AFDN: variants seen among roughly 807,000 people sequenced by gnomAD.
AFDN encodes the protein afadin.
A neutral mutation model predicts 216.6 loss-of-function variants in AFDN; 68 were observed. The observed-to-expected ratio is 0.31, with a 90% CI of 0.26 to 0.38. AFDN has a LOEUF of 0.38. Ranked by LOEUF, AFDN falls within the 10% of genes least tolerant of loss-of-function variation. The probability of loss-of-function intolerance (pLI) is 1.00; values close to 1 mark genes in which losing one functional copy is unlikely to be tolerated. For synonymous variants in AFDN, 868 were observed against 853.7 expected, an observed-to-expected ratio of 1.02 and a Z score of -0.29; for missense variants, 2,136 against 2,342.0, an observed-to-expected ratio of 0.91 and a Z score of 1.82.
At chr6:167,827,259 G>A in intron 1 of AFDN, 22 bp downstream of exon 1, 5 of 1,048,920 alleles carry the variant, frequency 4.8e-6, no homozygotes, top group Non-Finnish European at 4.7e-6. Flanking sequence ...CGGGCGCGGG[G>A]CCTGCGCGAC....
At chr6:167,871,036 G>T (rs535829240) in intron 3 of AFDN, among the ~76,000 whole-genome samples, 1 of 152,114 alleles carries the variant, frequency 6.6e-6, no homozygotes. Context: ...TCTTACACAA[G>T]AATTCATTAT....
intron 22 of AFDN, 25 bp downstream of exon 22, chr6:167,922,984 A>G (rs2301533): frequency 0.34 from 508,539 of 1,504,632 alleles, 88,947 homozygotes; most frequent in East Asian, 0.61. Context: ...GGTACCATGA[A>G]GTGAAATGGA....
At position 167,874,773 on chromosome 6, in the gene AFDN, G is replaced by A. The variant is rs1003237674; in HGVS notation, c.579-562G>A. On this transcript the variant is annotated intron_variant, in intron 4 of 33. Coordinates refer to ENST00000683244, the MANE Select transcript of AFDN (RefSeq NM_001386888.1). The stretch of plus-strand genomic sequence containing the variant: ...TGGGATTACAGGCATTTGCCACCAC[G>A]CTCGGCTAATTTTGTATTTTTAGTA... Among the ~76,000 whole-genome samples, 14 of 151,920 alleles carry A rather than the reference G, an allele frequency of 9.2e-5. No individual in the cohort carries two copies. In the South Asian group the frequency reaches 1.5e-3, roughly 16 times the overall value.
At chr6:167,920,751 A>T (rs1401002094) in intron 21 of AFDN, among the ~76,000 whole-genome samples, 1 of 152,172 alleles carries the variant, frequency 6.6e-6, no homozygotes, top group Non-Finnish European at 1.5e-5. Context: ...ACTGTATATT[A>T]TTAATATCTG....
intron 23 of AFDN, among the ~76,000 whole-genome samples, chr6:167,929,596 A>G (rs1352243002): frequency 1.3e-5 from 2 of 152,224 alleles, no homozygotes; most frequent in African/African-American, 4.8e-5. Context: ...ACACTCCAAA[A>G]GACAGCCTGA....
chr6:167,827,087 T>C lies in AFDN; in HGVS notation c.-46T>C. The C allele has an allele frequency of 9.3e-7, 1 of 1,074,306 alleles. No homozygotes were observed. The highest frequency in any genetic ancestry group is 1.2e-6 in the Non-Finnish European group (1 of 849,244). The allele number at this position is 1,074,306 out of a possible 1,614,324, so 66.5% of individuals were successfully genotyped here. A position where few individuals can be genotyped will look rare whatever the true frequency, so the allele number is the denominator to read the frequency against. ...CCGCGGACCTGTCGTCCTCGGCCCGTCCTCCGGCCCCGGCCCCGCGCGGCT... is the reference window on the plus strand; with the variant it reads ...CCGCGGACCTGTCGTCCTCGGCCCGCCCTCCGGCCCCGGCCCCGCGCGGCT... On this transcript the variant is annotated 5_prime_UTR_variant, in exon 1 of 34. Transcript: ENST00000683244.
At chr6:167,935,258 C>T (rs1169053942) in intron 23 of AFDN, among the ~76,000 whole-genome samples, 1 of 152,140 alleles carries the variant, frequency 6.6e-6, no homozygotes, top group Non-Finnish European at 1.5e-5. Flanking sequence ...ATCAAACAGG[C>T]AGTGATCTTT....
intron 9 of AFDN, 130 bp from the exon 10 acceptor site, chr6:167,896,748 G>T (rs532435321): frequency 8.9e-6 from 5 of 560,244 alleles, no homozygotes; most frequent in African/African-American, 3.8e-5. Context: ...CATAAGTTTG[G>T]AGAATTTTTT....
rs774439296 is a variant in AFDN at position 167,898,301 on chromosome 6, G to A, written c.1414G>A (p.Val472Met). ...CAGAAGTATGGACGCAGAAACCTAC[G>A]TGGAAGGCCAGCGCATCTCAGAAAC... Reference protein sequence around the residue: ...TPRSMDAETYVEGQRISETTM... With the variant: ...TPRSMDAETYMEGQRISETTM... Residue 472 changes from valine to methionine, a missense_variant, in exon 11 of 34, where the codon GTG (valine) becomes ATG (methionine). Physicochemically the swap from Val to Met is conservative, Grantham distance 21. Coordinates refer to ENST00000683244, the MANE Select transcript of AFDN (RefSeq NM_001386888.1). The A allele has an allele frequency of 6.8e-6, 11 of 1,614,112 alleles. No homozygotes were observed. Among genetic ancestry groups the A allele is most frequent in the African/African-American group, 1.3e-5 (1 of 75,020 alleles).
At position 167,920,625 on chromosome 6, in the gene AFDN, C is replaced by G. The variant is rs140747211; in HGVS notation, c.2908+1692C>G. On this transcript the variant is annotated intron_variant, in intron 21 of 33. Coordinates refer to ENST00000683244, the MANE Select transcript of AFDN (RefSeq NM_001386888.1). ...TGGTTTGCGGATGGCGCTCTCCTGC[C>G]AGGAACTCTTCCTCTGTCATGTGTG... Among the ~76,000 whole-genome samples, 571 of 152,272 alleles carry G rather than the reference C, an allele frequency of 3.7e-3. 4 individuals are homozygous for G. Among genetic ancestry groups the G allele is most frequent in the African/African-American group, 0.013 (535 of 41,546 alleles).
chr6:167,837,198 CA>C (rs1473208303), intron 1 of AFDN, among the ~76,000 whole-genome samples: 2 of 151,992 alleles, frequency 1.3e-5, no homozygotes, highest in Non-Finnish European at 2.9e-5. Context: ...TATATTCTTG[CA>C]AATATGATTA....
chr6:167,850,723 G>A (rs899443443), intron 1 of AFDN, among the ~76,000 whole-genome samples: 6 of 152,114 alleles, frequency 3.9e-5, no homozygotes, highest in Non-Finnish European at 8.8e-5. Context: ...TTTTCTTTCA[G>A]TATTATAATT....
At chr6:167,879,451 G>C (rs1785839311) in intron 5 of AFDN, among the ~76,000 whole-genome samples, 1 of 152,152 alleles carries the variant, frequency 6.6e-6, no homozygotes, top group African/African-American at 2.4e-5. Flanking sequence ...TAAATTACAG[G>C]TGAGAAAATT....
intron 13 of AFDN, among the ~76,000 whole-genome samples, chr6:167,908,066 A>C (rs184829854): frequency 6.6e-6 from 1 of 152,242 alleles, no homozygotes; most frequent in African/African-American, 2.4e-5. Flanking sequence ...CATGACTTCT[A>C]TGGCATTCTC....
intron 6 of AFDN, among the ~76,000 whole-genome samples, chr6:167,884,900 G>C (rs183779772): frequency 6.6e-6 from 1 of 152,304 alleles, no homozygotes; most frequent in African/African-American, 2.4e-5. Context: ...TTTTCCAATA[G>C]AAGGCTGTTT....
intron 22 of AFDN, among the ~76,000 whole-genome samples, chr6:167,924,498 G>T (rs1259886120): frequency 6.6e-6 from 1 of 152,170 alleles, no homozygotes; most frequent in Non-Finnish European, 1.5e-5. Flanking sequence ...AGCGGCCCTG[G>T]TGCTGTGATT....
At chr6:167,943,888 A>G in intron 25 of AFDN, 53 bp from the exon 26 acceptor site, 5 of 1,437,952 alleles carry the variant, frequency 3.5e-6, no homozygotes, top group East Asian at 2.3e-5. Context: ...GATTCATGAC[A>G]GAGCAGGCAC....
At chr6:167,864,491 A>G (rs1783955926) in intron 1 of AFDN, 60 bp from the exon 2 acceptor site, 2 of 1,480,728 alleles carry the variant, frequency 1.4e-6, no homozygotes, top group South Asian at 1.1e-5. Context: ...TATTATTACA[A>G]AAAGTGAATC....
rs143266300 is a variant in AFDN, at chr6:167,838,855, A to G, written c.105+11618A>G. 5.9e-5 allele frequency among the ~76,000 whole-genome samples: 9 copies of G among 152,316 alleles called. No individual in the cohort carries two copies. The East Asian group carries it at 1.5e-3, about 26-fold the overall frequency. ...CTGAATATTTGATTTTAAGAACCAC[A>G]TATTAGCCTACCTGATATTGTGATG... On this transcript the variant is annotated intron_variant, in intron 1 of 33. Transcript: ENST00000683244.
Sources: allele counts gnomAD v4.1 joint callset (sites outside exome capture counted in the v4.1 genomes callset), GRCh38; gene constraint gnomAD v4.1.1; transcripts MANE v1.5; gene names NCBI Gene and HGNC (gene_info 2026-07-23, HGNC 2026-07-21).